The following CHL1 variants were observed in gnomAD, a reference collection of about 807,000 sequenced individuals.
CHL1 encodes neural cell adhesion molecule L1-like protein.
CHL1 carries 96 observed loss-of-function variants against 141.9 expected under a neutral mutation model. The observed-to-expected ratio is 0.68, with a 90% CI of 0.57 to 0.80. The LOEUF (loss-of-function observed/expected upper bound fraction) is 0.80, where lower values mean the gene tolerates loss of function less well. CHL1 is among the 30% of genes least tolerant of loss of function. The pLI is 0.00. For synonymous variants in CHL1, 613 were observed against 502.2 expected, an observed-to-expected ratio of 1.22 and a Z score of -2.95; for missense variants, 1,820 against 1,457.2, an observed-to-expected ratio of 1.25 and a Z score of -4.05.
intron 1 of CHL1, chr3:198,194 G>GATCTACA: frequency 5.7e-6 from 1 of 175,900 alleles, no homozygotes; most frequent in Non-Finnish European, 1.2e-5. Flanking sequence ...CGGCGGCGGA[G>GATCTACA]GGCAGGTGTG....
chr3:301,181 A>G (rs1423914187), intron 2 of CHL1, among the ~76,000 whole-genome samples: 4 of 152,200 alleles, frequency 2.6e-5, no homozygotes, highest in Non-Finnish European at 5.9e-5. Flanking sequence ...TTCAGACCCC[A>G]GAGTGTCTAC....
intron 1 of CHL1, among the ~76,000 whole-genome samples, chr3:234,987 T>TATTAC (rs1167373006): frequency 8.1e-6 from 1 of 124,016 alleles, no homozygotes; most frequent in Non-Finnish European, 1.8e-5. Flanking sequence ...AATTCTTTTT[T>TATTAC]TATTACTATT....
At chr3:226,376 A>ATATT (rs1240214091) in intron 1 of CHL1, among the ~76,000 whole-genome samples, 5 of 146,124 alleles carry the variant, frequency 3.4e-5, no homozygotes, top group African/African-American at 1.2e-4. Context: ...AGAATATTTT[A>ATATT]TATATATATA....
In CHL1 at chr3:383,401, G is replaced by A. The variant is rs181861801; in HGVS notation, c.2177-415G>A. 2.2e-3 allele frequency among the ~76,000 whole-genome samples: 328 copies of A among 152,126 alleles called. 3 individuals are homozygous for A. Among genetic ancestry groups the A allele is most frequent in the Non-Finnish European group, 3.6e-3 (247 of 67,982 alleles). ...TTGGCTGCTGATATTAATACATGGT[G>A]TTTACTTTATTCTTCTACAGGCAAA... On this transcript the variant is annotated intron_variant, in intron 18 of 27. Coordinates refer to ENST00000256509, the MANE Select transcript of CHL1 (RefSeq NM_006614.4).
chr3:241,103 A>C (rs550052515), intron 1 of CHL1, among the ~76,000 whole-genome samples: 81 of 152,316 alleles, frequency 5.3e-4, no homozygotes, highest in African/African-American at 1.8e-3. Flanking sequence ...TATGTTAAAT[A>C]CAGAATAAAG....
chr3:374,395 T>C (rs1391921726), intron 15 of CHL1, among the ~76,000 whole-genome samples: 1 of 152,174 alleles, frequency 6.6e-6, no homozygotes, highest in African/African-American at 2.4e-5. Flanking sequence ...CTGCCTCTTT[T>C]GTTACTACTG....
chr3:310,481 A>G (rs939820900), intron 2 of CHL1, among the ~76,000 whole-genome samples: 7 of 152,216 alleles, frequency 4.6e-5, no homozygotes, highest in African/African-American at 1.4e-4. Context: ...TTTAATTTAC[A>G]AATATATTTT....
intron 5 of CHL1, among the ~76,000 whole-genome samples, chr3:334,403 C>G (rs1306536052): frequency 6.6e-6 from 1 of 152,068 alleles, no homozygotes; most frequent in Admixed American, 6.6e-5. Context: ...ATTTCCATCA[C>G]CACAAAAAGA....
intron 2 of CHL1, chr3:247,839 A>G (rs1046560617): frequency 2.0e-5 from 3 of 152,126 alleles, no homozygotes; most frequent in Non-Finnish European, 4.4e-5. Flanking sequence ...ACTGGATGCT[A>G]GAACATTGTG....
intron 24 of CHL1, among the ~76,000 whole-genome samples, chr3:395,504 A>G (rs768988907): frequency 2.0e-5 from 3 of 152,198 alleles, no homozygotes; most frequent in Non-Finnish European, 4.4e-5. Context: ...GTTCTTGCTA[A>G]GCTTTCTATG....
chr3:250,081 C>T (rs761571708), intron 2 of CHL1, among the ~76,000 whole-genome samples: 1 of 151,886 alleles, frequency 6.6e-6, no homozygotes, highest in Non-Finnish European at 1.5e-5. Flanking sequence ...ATTCTCTTGC[C>T]TTAGCCTCTT....
Position 405,670 on chromosome 3 carries a change from A to C in CHL1, c.3634A>C (p.Ser1212Arg). The C allele has an allele frequency of 6.2e-7, 1 of 1,613,520 alleles. No homozygotes were observed. The highest frequency in any genetic ancestry group is 8.5e-7 in the Non-Finnish European group (1 of 1,179,564). ...ATCTAAGGAGAAGGGATCTGTTGAA[A>C]GCAATGGAAGTTCTACAGCAACTTT... ...AGSKEKGSVE[S>R]NGSSTATFPL... Residue 1212 changes from serine to arginine, a missense_variant, in exon 28 of 28, where the codon AGC becomes CGC. Physicochemically the swap from Ser to Arg is moderately radical, Grantham distance 110. Transcript: ENST00000256509.
intron 2 of CHL1, among the ~76,000 whole-genome samples, chr3:259,003 G>C (rs866589437): frequency 6.8e-6 from 1 of 147,638 alleles, no homozygotes; most frequent in Non-Finnish European, 1.5e-5. Flanking sequence ...GCTTGATCAC[G>C]GCTCATTGCA....
chr3:314,628 T>C (rs901305162), intron 2 of CHL1, among the ~76,000 whole-genome samples: 19 of 152,044 alleles, frequency 1.2e-4, no homozygotes, highest in African/African-American at 4.6e-4. Context: ...GCTGCCATTT[T>C]ACGTTTAGTG....
At chr3:220,171 T>A (rs976406090) in intron 1 of CHL1, among the ~76,000 whole-genome samples, 1 of 152,262 alleles carries the variant, frequency 6.6e-6, no homozygotes, top group Non-Finnish European at 1.5e-5. Context: ...GGTTGACGAC[T>A]GACATGATGG....
intron 2 of CHL1, among the ~76,000 whole-genome samples, chr3:301,448 AC>A (rs1166464425): frequency 1.3e-5 from 2 of 152,188 alleles, no homozygotes; most frequent in African/African-American, 2.4e-5. Context: ...GACCCAATAA[AC>A]AAGCAAAAGT....
chr3:279,080 C>A (rs552219479), intron 2 of CHL1, among the ~76,000 whole-genome samples: 1 of 152,288 alleles, frequency 6.6e-6, no homozygotes, highest in South Asian at 2.1e-4. Flanking sequence ...GCCGGATATT[C>A]AGTGTCTTAG....
intron 1 of CHL1, among the ~76,000 whole-genome samples, chr3:240,727 G>T (rs116200601): frequency 1.3e-5 from 2 of 152,064 alleles, no homozygotes; most frequent in East Asian, 1.9e-4. Context: ...TATAGGTATC[G>T]GGTCTTATAT....
At chr3:340,553 G>C (rs193111830) in intron 5 of CHL1, among the ~76,000 whole-genome samples, 1 of 151,938 alleles carries the variant, frequency 6.6e-6, no homozygotes, top group Non-Finnish European at 1.5e-5. Flanking sequence ...TATTGTTGTC[G>C]CATAACAAAA....
Sources: allele counts gnomAD v4.1 joint callset (sites outside exome capture counted in the v4.1 genomes callset), GRCh38; gene constraint gnomAD v4.1.1; transcripts MANE v1.5; gene names NCBI Gene and HGNC (gene_info 2026-07-23, HGNC 2026-07-21).